The following BICC1 variants were observed in gnomAD, a reference collection of about 807,000 sequenced individuals.
The protein encoded by BICC1 is protein bicaudal C homolog 1.
Under a neutral mutation model 111.0 loss-of-function variants are expected in BICC1, and 43 were observed. The observed-to-expected ratio is 0.39, with a 90% CI of 0.30 to 0.50. BICC1 has a LOEUF of 0.50. Ranked by LOEUF, BICC1 falls within the 20% of genes least tolerant of loss-of-function variation. BICC1 has a pLI of 0.88. For missense variants in BICC1, 1,091 were observed against 1,203.2 expected, an observed-to-expected ratio of 0.91 and a Z score of 1.38; for synonymous variants, 467 against 434.4, an observed-to-expected ratio of 1.07 and a Z score of -0.93.
At chr10:58,615,156 A>C (rs1363063258) in intron 1 of BICC1, among the ~76,000 whole-genome samples, 1 of 151,966 alleles carries the variant, frequency 6.6e-6, no homozygotes, top group East Asian at 1.9e-4. Flanking sequence ...AGGGCCACCC[A>C]CACTTGCCAG....
At chr10:58,798,934 G>A (rs986006905) in intron 11 of BICC1, 122 bp from the exon 12 acceptor site, 7 of 708,032 alleles carry the variant, frequency 9.9e-6, no homozygotes, top group Non-Finnish European at 1.4e-5. Flanking sequence ...GTTTACAGAG[G>A]TGTCAAAATT....
At chr10:58,688,141 C>T (rs964600463) in intron 2 of BICC1, among the ~76,000 whole-genome samples, 137 of 152,184 alleles carry the variant, frequency 9.0e-4, no homozygotes, top group African/African-American at 3.1e-3. Flanking sequence ...GAGTGAGCAG[C>T]AGCAAGATTT....
intron 2 of BICC1, among the ~76,000 whole-genome samples, chr10:58,688,859 T>A (rs1330887376): frequency 1.3e-5 from 2 of 151,690 alleles, no homozygotes; most frequent in African/African-American, 4.8e-5. Flanking sequence ...GAGGAGAACA[T>A]CACACACTGG....
chr10:58,599,277 A>T (rs1210568917), intron 1 of BICC1, among the ~76,000 whole-genome samples: 16 of 152,200 alleles, frequency 1.1e-4, no homozygotes, highest in Non-Finnish European at 2.4e-4. Context: ...TAGACTGGAT[A>T]AAGAAAATGT....
intron 2 of BICC1, among the ~76,000 whole-genome samples, chr10:58,653,771 G>A (rs1442235866): frequency 2.7e-5 from 4 of 148,610 alleles, no homozygotes; most frequent in African/African-American, 5.0e-5. Flanking sequence ...ATGCTGGTGT[G>A]CTGCACCCAC....
intron 3 of BICC1, among the ~76,000 whole-genome samples, chr10:58,732,997 C>T (rs1031932167): frequency 7.0e-6 from 1 of 143,496 alleles, no homozygotes; most frequent in Non-Finnish European, 1.5e-5. Context: ...GCTTGATGCA[C>T]GATTTCCACA....
At chr10:58,807,792 T>C (rs1394629525) in intron 17 of BICC1, among the ~76,000 whole-genome samples, 4 of 152,112 alleles carry the variant, frequency 2.6e-5, no homozygotes, top group Non-Finnish European at 4.4e-5. Context: ...TTTCAAAGTA[T>C]CAGATTTTGG....
intron 1 of BICC1, among the ~76,000 whole-genome samples, chr10:58,612,554 G>A (rs529079161): frequency 2.7e-5 from 4 of 150,092 alleles, no homozygotes; most frequent in African/African-American, 2.5e-5. Context: ...TCAGGTGACC[G>A]AAAAGCACAG....
intron 2 of BICC1, among the ~76,000 whole-genome samples, chr10:58,680,752 A>G (rs1839493476): frequency 6.6e-6 from 1 of 152,170 alleles, no homozygotes; most frequent in Admixed American, 6.6e-5. Flanking sequence ...CTGGAGCGTC[A>G]TGCTACCTGA....
chr10:58,597,770 T>A (rs1844867548), intron 1 of BICC1, among the ~76,000 whole-genome samples: 1 of 152,102 alleles, frequency 6.6e-6, no homozygotes, highest in Non-Finnish European at 1.5e-5. Flanking sequence ...CTCTCCTACT[T>A]GCACATCCGT....
intron 3 of BICC1, among the ~76,000 whole-genome samples, chr10:58,761,705 A>G (rs1842321153): frequency 1.3e-5 from 2 of 152,132 alleles, no homozygotes; most frequent in Non-Finnish European, 2.9e-5. Context: ...TAAATGAAGG[A>G]TGTAATTGGG....
chr10:58,556,349 A>G (rs1249286209), intron 1 of BICC1, among the ~76,000 whole-genome samples: 1 of 152,140 alleles, frequency 6.6e-6, no homozygotes, highest in Non-Finnish European at 1.5e-5. Flanking sequence ...TGTAAGGAAA[A>G]TGTATATTAA....
At chr10:58,578,973 T>C (rs1844189021) in intron 1 of BICC1, among the ~76,000 whole-genome samples, 1 of 152,250 alleles carries the variant, frequency 6.6e-6, no homozygotes, top group South Asian at 2.1e-4. Flanking sequence ...AGTGGCTATA[T>C]GAAACAAATC....
At chr10:58,542,170 A>C (rs1436635560) in intron 1 of BICC1, among the ~76,000 whole-genome samples, 6 of 145,184 alleles carry the variant, frequency 4.1e-5, no homozygotes, top group African/African-American at 1.4e-4. Context: ...AAAAAAACAA[A>C]AAAAAAAACC....
chr10:58,826,100 A>G (rs1016399127), intron 20 of BICC1, among the ~76,000 whole-genome samples: 8 of 152,208 alleles, frequency 5.3e-5, no homozygotes, highest in African/African-American at 1.9e-4. Context: ...TGCATTGAAA[A>G]TGCAGCTTTT....
At chr10:58,685,057 C>T (rs1839671443) in intron 2 of BICC1, among the ~76,000 whole-genome samples, 1 of 152,176 alleles carries the variant, frequency 6.6e-6, no homozygotes, top group Non-Finnish European at 1.5e-5. Context: ...CCCAGAGACT[C>T]TGGTATGTTG....
intron 1 of BICC1, among the ~76,000 whole-genome samples, chr10:58,561,276 TG>T (rs1843596198): frequency 6.6e-6 from 1 of 152,076 alleles, no homozygotes; most frequent in Non-Finnish European, 1.5e-5. Context: ...CTGGCTGAAT[TG>T]ATCTCTTTAT....
chr10:58,739,733 A>G (rs1458938061), intron 3 of BICC1, among the ~76,000 whole-genome samples: 1 of 152,182 alleles, frequency 6.6e-6, no homozygotes, highest in Non-Finnish European at 1.5e-5. Context: ...ATATAGATAT[A>G]TGTACACATA....
intron 1 of BICC1, among the ~76,000 whole-genome samples, chr10:58,616,215 C>T (rs377759699): frequency 7.2e-5 from 11 of 152,270 alleles, no homozygotes; most frequent in African/African-American, 1.9e-4. Flanking sequence ...TTAGTGAGAC[C>T]GAGGGGTCTG....
Sources: allele counts gnomAD v4.1 joint callset (sites outside exome capture counted in the v4.1 genomes callset), GRCh38; gene constraint gnomAD v4.1.1; transcripts MANE v1.5; gene names NCBI Gene and HGNC (gene_info 2026-07-23, HGNC 2026-07-21).